Variants in ADRA1A observed in about 807,000 individuals in gnomAD.
The protein encoded by ADRA1A is adrenoceptor alpha 1A, also known as alpha-1A adrenergic receptor.
ADRA1A carries 31 observed loss-of-function variants against 29.6 expected under a neutral mutation model. The ratio of observed to expected loss-of-function variants is 1.05; its 90% CI spans 0.79 to 1.41. ADRA1A has a LOEUF of 1.41. Among genes scored for constraint, ADRA1A ranks in the 40% most tolerant of loss-of-function variants. The pLI, the probability that ADRA1A is intolerant of heterozygous loss-of-function variation, is 0.00. For missense variants in ADRA1A, 619 were observed against 601.1 expected, an observed-to-expected ratio of 1.03 and a Z score of -0.31; for synonymous variants, 311 against 254.3, an observed-to-expected ratio of 1.22 and a Z score of -2.12.
intron 2 of ADRA1A, among the ~76,000 whole-genome samples, chr8:26,789,239 C>T (rs746022295): frequency 2.6e-5 from 4 of 152,168 alleles, no homozygotes; most frequent in Admixed American, 6.5e-5. Flanking sequence ...CTAGAGGCAA[C>T]ACACTACATG....
intron 2 of ADRA1A, among the ~76,000 whole-genome samples, chr8:26,779,885 G>A (rs1806830777): frequency 6.6e-6 from 1 of 152,160 alleles, no homozygotes. Context: ...CACATCTGAG[G>A]CCTGGGAGGC....
downstream of ADRA1A, chr8:26,756,336 AG>A (rs1805164720): frequency 1.2e-6 from 1 of 839,656 alleles, no homozygotes; most frequent in Non-Finnish European, 1.6e-6. Flanking sequence ...AACCCATAAA[AG>A]TTCCCCTTTT....
chr8:26,799,283 C>T (rs1808404653), intron 2 of ADRA1A, among the ~76,000 whole-genome samples: 1 of 152,178 alleles, frequency 6.6e-6, no homozygotes, highest in Admixed American at 6.5e-5. Context: ...CTTTCTCCTT[C>T]AGGGCATTTT....
chr8:26,803,139 A>G (rs781012966), intron 2 of ADRA1A, among the ~76,000 whole-genome samples: 3 of 152,182 alleles, frequency 2.0e-5, no homozygotes, highest in Non-Finnish European at 4.4e-5. Flanking sequence ...ATAGTTAGAT[A>G]TGAAGAATGA....
In ADRA1A at chr8:26,818,498, GT is replaced by G. The variant is rs537924700; in HGVS notation, c.883+45588del. On this transcript the variant is annotated intron_variant, in intron 2 of 2. Transcript: ENST00000380573. ...TAGACCCAGAAAACTTTACAGATGAGTTTTACCAAACATTCAAGGAATTGAT... is the reference window on the plus strand; with the variant it reads ...TAGACCCAGAAAACTTTACAGATGAGTTTACCAAACATTCAAGGAATTGAT... 1.1e-4 allele frequency among the ~76,000 whole-genome samples: 16 copies of G among 152,120 alleles called. No homozygotes were observed. The South Asian group carries it at 3.3e-3, about 32-fold the overall frequency.
intron 2 of ADRA1A, among the ~76,000 whole-genome samples, chr8:26,822,800 C>G (rs1810271348): frequency 6.6e-6 from 1 of 152,086 alleles, no homozygotes; most frequent in African/African-American, 2.4e-5. Flanking sequence ...GGGGAGATCT[C>G]AGGAAACTTA....
At chr8:26,767,288 C>T (rs1382388409), downstream of ADRA1A, among the ~76,000 whole-genome samples, 1 of 152,116 alleles carries the variant, frequency 6.6e-6, no homozygotes. Flanking sequence ...CAAATAGAAG[C>T]AGTAAACATG....
rs1005349281 is a variant in ADRA1A, at chr8:26,841,097, CCA to C, written c.883+22988_883+22989del. Among the ~76,000 whole-genome samples, 1 of 152,188 alleles carries C rather than the reference CCA, an allele frequency of 6.6e-6. No homozygotes were observed. The highest frequency in any genetic ancestry group is 1.5e-5 in the Non-Finnish European group (1 of 68,048). ...GGGCCAGTTACTTAACCACCCTCTA[CCA>C]CAGTTTCCTCAGGTTGGAAATGAGA... On this transcript the variant is annotated intron_variant, in intron 2 of 2. Coordinates refer to ENST00000380573, the MANE Select transcript of ADRA1A (RefSeq NM_000680.4). The surrounding 1 kb of genome is among the most constrained non-coding windows in gnomAD (Gnocchi z 4.4).
At chr8:26,797,987 C>CTTTTTTTTTTTTTTTTT (rs35607881) in intron 2 of ADRA1A, among the ~76,000 whole-genome samples, 189 of 148,408 alleles carry the variant, frequency 1.3e-3, no homozygotes, top group African/African-American at 4.4e-3. Flanking sequence ...GTAAGTTAGT[C>CTTTTTTTTTTTTTTTTT]TTTTTTTTTT....
intron 2 of ADRA1A, among the ~76,000 whole-genome samples, chr8:26,793,228 G>A (rs1473795604): frequency 1.3e-5 from 2 of 151,894 alleles, no homozygotes; most frequent in African/African-American, 4.8e-5. Context: ...TTTTTAAAAT[G>A]CTTAAAAATT....
chr8:26,748,901 G>A (rs767144362), intron 2 of ADRA1A, among the ~76,000 whole-genome samples: 51 of 152,084 alleles, frequency 3.4e-4, no homozygotes, highest in Non-Finnish European at 6.0e-4. Flanking sequence ...AGTCACCTAC[G>A]GACTCAACCA....
chr8:26,763,262 C>G (rs1010366218), downstream of ADRA1A, among the ~76,000 whole-genome samples: 1 of 152,164 alleles, frequency 6.6e-6, no homozygotes, highest in South Asian at 2.1e-4. This position sits in a 1 kb window ranked among gnomAD's most constrained non-coding sequence, Gnocchi z 4.5. Context: ...AAGTGTGGCC[C>G]TGAAATTCTC....
intron 2 of ADRA1A, among the ~76,000 whole-genome samples, chr8:26,808,243 T>C (rs1018421477): frequency 6.6e-6 from 1 of 152,224 alleles, no homozygotes; most frequent in Non-Finnish European, 1.5e-5. Flanking sequence ...TACATATACT[T>C]CTACATATTG....
upstream of ADRA1A, chr8:26,867,339 G>A (rs946131387): frequency 1.0e-6 from 1 of 985,298 alleles, no homozygotes; most frequent in Non-Finnish European, 1.2e-6. Context: ...TACGGCAACA[G>A]GCACAAGTGC....
chr8:26,839,017 T>C (rs896765612), intron 2 of ADRA1A, among the ~76,000 whole-genome samples: 1 of 152,208 alleles, frequency 6.6e-6, no homozygotes, highest in African/African-American at 2.4e-5. Flanking sequence ...ATTAGAGATT[T>C]TTATTTCAAT....
At chr8:26,830,253 G>A (rs1810880361) in intron 2 of ADRA1A, among the ~76,000 whole-genome samples, 2 of 152,186 alleles carry the variant, frequency 1.3e-5, no homozygotes, top group Non-Finnish European at 2.9e-5. Flanking sequence ...GATGCTTCAT[G>A]GTTTATTTCT....
At chr8:26,797,866 T>C (rs114553316) in intron 2 of ADRA1A, among the ~76,000 whole-genome samples, 2,628 of 152,252 alleles carry the variant, frequency 0.017, 68 homozygotes, top group African/African-American at 0.057. Flanking sequence ...AATTGTTAAG[T>C]GCTCATAAAG....
At chr8:26,844,885 A>T (rs1407339737) in intron 2 of ADRA1A, among the ~76,000 whole-genome samples, 2 of 152,196 alleles carry the variant, frequency 1.3e-5, no homozygotes, top group Non-Finnish European at 2.9e-5. Context: ...TTGTCTTGGG[A>T]CACATATAAA....
chr8:26,768,670 A>G (rs1295810951), downstream of ADRA1A: 1 of 155,476 alleles, frequency 6.4e-6, no homozygotes, highest in Non-Finnish European at 1.4e-5. Flanking sequence ...TATGAAACAT[A>G]AATGAATTTT....
Sources: gnomAD v4.1 joint callset for allele counts (sites outside exome capture counted in the v4.1 genomes callset) on GRCh38, gnomAD v4.1.1 for gene constraint, Gnocchi (gnomAD v3.1) non-coding constraint, MANE v1.5 for transcripts, NCBI Gene and HGNC (gene_info 2026-07-23, HGNC 2026-07-21) for gene names.